The following PARD3 variants were observed in gnomAD, a reference collection of about 807,000 sequenced individuals.
PARD3 encodes par-3 family cell polarity regulator, also known as partitioning defective 3 homolog.
PARD3 carries 75 observed loss-of-function variants against 155.4 expected under a neutral mutation model. The ratio of observed to expected loss-of-function variants is 0.48; its 90% CI spans 0.40 to 0.58. The LOEUF is 0.58. Among genes scored for constraint, PARD3 ranks in the 20% least tolerant of loss-of-function variants. The pLI, the probability that PARD3 is intolerant of heterozygous loss-of-function variation, is 0.00. For synonymous variants in PARD3, 576 were observed against 610.5 expected (o/e 0.94, Z 0.83); for missense variants, 1,642 against 1,721.7 (o/e 0.95, Z 0.82).
intron 22 of PARD3, among the ~76,000 whole-genome samples, chr10:34,176,262 CCTACAATAAAATGGCAGTCACTGACTT>C (rs1250311239): frequency 5.3e-5 from 8 of 152,074 alleles, no homozygotes; most frequent in Non-Finnish European, 1.0e-4. Flanking sequence ...TAAAAATTGT[CCTACAATAAAATGGCAGTCACTGACTT>C]CTAAGCCAAG....
intron 2 of PARD3, among the ~76,000 whole-genome samples, chr10:34,544,988 G>A (rs954504036): frequency 2.6e-5 from 4 of 152,058 alleles, no homozygotes; most frequent in African/African-American, 9.7e-5. Flanking sequence ...TATTGAGTTC[G>A]TGCACTCAAT....
At chr10:34,656,247 A>T (rs2093163375) in intron 2 of PARD3, among the ~76,000 whole-genome samples, 1 of 151,420 alleles carries the variant, frequency 6.6e-6, no homozygotes, top group African/African-American at 2.4e-5. Flanking sequence ...CCTTCAAGAT[A>T]AAAAAAAACC....
intron 2 of PARD3, among the ~76,000 whole-genome samples, chr10:34,603,532 T>C (rs1209504424): frequency 1.3e-5 from 2 of 152,212 alleles, no homozygotes; most frequent in African/African-American, 2.4e-5. Flanking sequence ...GGATGGAACA[T>C]TTCATCTTTT....
intron 22 of PARD3, among the ~76,000 whole-genome samples, chr10:34,228,044 A>C (rs1952715412): frequency 6.6e-6 from 1 of 151,382 alleles, no homozygotes; most frequent in Non-Finnish European, 1.5e-5. Context: ...CTGAATAAAG[A>C]AAATGTGGCA....
rs181145105 is a variant in PARD3 at position 34,779,085 on chromosome 10, C to T, written c.120+35791G>A. Among the ~76,000 whole-genome samples, 1,037 of 149,322 alleles carry T rather than the reference C, an allele frequency of 6.9e-3. 11 individuals carry two copies. The highest frequency in any genetic ancestry group is 0.023 in the African/African-American group (948 of 40,486). ...CAGCACTTTGGGAGGCCGAGGTGGG[C>T]GGATCACTTGGGGTCAGGAGCTCAA... is the stretch of plus-strand genomic sequence containing the variant. On this transcript the variant is annotated intron_variant, in intron 1 of 24. Transcript: ENST00000374788.
intron 22 of PARD3, among the ~76,000 whole-genome samples, chr10:34,262,157 T>C (rs1955060425): frequency 6.6e-6 from 1 of 152,132 alleles, no homozygotes; most frequent in Non-Finnish European, 1.5e-5. Context: ...AATCAAAATA[T>C]CTATGAGGGG....
intron 15 of PARD3, chr10:34,345,028 A>C: frequency 1.0e-6 from 1 of 985,070 alleles, no homozygotes; most frequent in Non-Finnish European, 1.2e-6. Flanking sequence ...GGATAGAATA[A>C]GATCTGGAGA....
chr10:34,740,931 TTGG>T (rs2094998529), intron 1 of PARD3, among the ~76,000 whole-genome samples: 1 of 152,172 alleles, frequency 6.6e-6, no homozygotes, highest in Non-Finnish European at 1.5e-5. Flanking sequence ...ACAGGTAATG[TTGG>T]TGTCTCAAAT....
intron 2 of PARD3, among the ~76,000 whole-genome samples, chr10:34,680,110 T>TA (rs1399976497): frequency 1.3e-5 from 2 of 151,794 alleles, no homozygotes; most frequent in Admixed American, 6.6e-5. Flanking sequence ...TTAAAGAAAA[T>TA]AAAACATGAG....
chr10:34,166,940 T>C (rs1949557658), intron 22 of PARD3, among the ~76,000 whole-genome samples: 1 of 152,234 alleles, frequency 6.6e-6, no homozygotes. Flanking sequence ...TTAGAGTCAC[T>C]ATTTGCAAAA....
chr10:34,235,098 T>A (rs938302309), intron 22 of PARD3, among the ~76,000 whole-genome samples: 4 of 152,218 alleles, frequency 2.6e-5, no homozygotes, highest in African/African-American at 4.8e-5. Context: ...ATTAATTTTT[T>A]AAAAATATTC....
At chr10:34,186,946 C>A (rs528530077) in intron 22 of PARD3, among the ~76,000 whole-genome samples, 8 of 152,272 alleles carry the variant, frequency 5.3e-5, no homozygotes, top group African/African-American at 1.9e-4. Context: ...CTACTGAATT[C>A]GCTCCTCAAA....
intron 22 of PARD3, among the ~76,000 whole-genome samples, chr10:34,221,234 T>A (rs1952267829): frequency 1.3e-5 from 2 of 152,138 alleles, no homozygotes; most frequent in South Asian, 4.1e-4. Flanking sequence ...TCCGGTGATG[T>A]GCATGTCCAC....
At chr10:34,596,368 G>A (rs1174875192) in intron 2 of PARD3, among the ~76,000 whole-genome samples, 1 of 152,058 alleles carries the variant, frequency 6.6e-6, no homozygotes, top group African/African-American at 2.4e-5. Flanking sequence ...AGAAATACCT[G>A]AGACTGGGTA....
intron 22 of PARD3, among the ~76,000 whole-genome samples, chr10:34,210,341 T>C (rs113576850): frequency 6.6e-6 from 1 of 152,316 alleles, no homozygotes; most frequent in East Asian, 1.9e-4. Context: ...TTCCATGACA[T>C]GTTAACATAA....
intron 23 of PARD3, among the ~76,000 whole-genome samples, chr10:34,121,020 T>C (rs930192009): frequency 7.3e-5 from 11 of 150,488 alleles, no homozygotes; most frequent in African/African-American, 2.2e-4. Flanking sequence ...ACCGTGCCAT[T>C]GCACTCCAGC....
intron 2 of PARD3, among the ~76,000 whole-genome samples, chr10:34,611,783 G>A (rs1200630833): frequency 6.6e-6 from 1 of 151,292 alleles, no homozygotes; most frequent in Non-Finnish European, 1.5e-5. Flanking sequence ...ATGAAGATGG[G>A]AAATAAATGT....
intron 3 of PARD3, among the ~76,000 whole-genome samples, chr10:34,509,871 A>T (rs546657236): frequency 3.3e-5 from 5 of 152,366 alleles, no homozygotes; most frequent in Admixed American, 3.3e-4. Flanking sequence ...TTCCAGGATG[A>T]CAAAGCACAG....
At chr10:34,640,964 G>A (rs2092660624) in intron 2 of PARD3, among the ~76,000 whole-genome samples, 2 of 152,096 alleles carry the variant, frequency 1.3e-5, no homozygotes, top group African/African-American at 2.4e-5. Context: ...AGTTTAGCAT[G>A]TGCTCATCAA....
Sources: allele counts gnomAD v4.1 joint callset (sites outside exome capture counted in the v4.1 genomes callset), GRCh38; gene constraint gnomAD v4.1.1; transcripts MANE v1.5; gene names NCBI Gene and HGNC (gene_info 2026-07-23, HGNC 2026-07-21).